DENND1A: variants seen among roughly 807,000 people sequenced by gnomAD.
The protein encoded by DENND1A is DENN domain containing 1A.
DENND1A carries 51 observed loss-of-function variants against 113.7 expected under a neutral mutation model. That is an observed-to-expected ratio of 0.45 (90% confidence interval 0.36 to 0.57). The LOEUF is 0.57. DENND1A is among the 20% of genes least tolerant of loss of function. The pLI is 0.00. For missense variants in DENND1A, 1,258 were observed against 1,395.9 expected, an observed-to-expected ratio of 0.90 and a Z score of 1.57; for synonymous variants, 565 against 570.8, an observed-to-expected ratio of 0.99 and a Z score of 0.14.
intron 19 of DENND1A, among the ~76,000 whole-genome samples, chr9:123,431,464 G>A (rs1482694981): frequency 1.3e-5 from 2 of 152,204 alleles, no homozygotes; most frequent in Non-Finnish European, 2.9e-5. Context: ...ACCTGCCCAG[G>A]TGGCTGCACT....
chr9:123,413,867 G>T (rs2044507560), intron 19 of DENND1A: 7 of 985,160 alleles, frequency 7.1e-6, no homozygotes, highest in Non-Finnish European at 8.4e-6. Context: ...TCAAGAGGAA[G>T]AGGTGATCAG....
At chr9:123,610,847 C>T (rs988636839) in intron 10 of DENND1A, among the ~76,000 whole-genome samples, 4 of 152,076 alleles carry the variant, frequency 2.6e-5, no homozygotes, top group African/African-American at 7.2e-5. Flanking sequence ...TAGGCTTTAT[C>T]CTGAAAGCAA....
intron 5 of DENND1A, among the ~76,000 whole-genome samples, chr9:123,735,221 G>C (rs1240383610): frequency 6.6e-6 from 1 of 152,116 alleles, no homozygotes; most frequent in Non-Finnish European, 1.5e-5. Flanking sequence ...ACCATTTCTA[G>C]ATGTTCTAAA....
chr9:123,772,826 G>T lies in DENND1A; in HGVS notation c.133-3263C>A, dbSNP rs1480392454. Among the ~76,000 whole-genome samples, 6 of 151,998 alleles carry T rather than the reference G, an allele frequency of 3.9e-5. No homozygotes were observed. The East Asian group carries it at 1.2e-3, about 29-fold the overall frequency. On this transcript the variant is annotated intron_variant, in intron 3 of 23. Transcript: ENST00000394215. ...TGTCACCACTGGCTTTAGGACATTC[G>T]CCACCTGGTTCCATGTCCCCTGGTT... is the stretch of plus-strand genomic sequence containing the variant.
At chr9:123,710,468 C>T (rs967413813) in intron 5 of DENND1A, among the ~76,000 whole-genome samples, 2 of 152,010 alleles carry the variant, frequency 1.3e-5, no homozygotes, top group African/African-American at 4.8e-5. Flanking sequence ...TTTCTAGTCA[C>T]TCACCAACCA....
intron 1 of DENND1A, among the ~76,000 whole-genome samples, chr9:123,896,874 A>G (rs988365424): frequency 6.6e-6 from 1 of 152,222 alleles, no homozygotes; most frequent in Non-Finnish European, 1.5e-5. Context: ...GAAGTAAAAC[A>G]TTAAGACAAA....
At chr9:123,824,329 G>T (rs548971739) in intron 2 of DENND1A, among the ~76,000 whole-genome samples, 1 of 152,232 alleles carries the variant, frequency 6.6e-6, no homozygotes, top group African/African-American at 2.4e-5. Flanking sequence ...CCTTTAACTC[G>T]CAATCACTTG....
At chr9:123,536,666 G>A (rs985311211) in intron 13 of DENND1A, among the ~76,000 whole-genome samples, 1 of 152,008 alleles carries the variant, frequency 6.6e-6, no homozygotes, top group African/African-American at 2.4e-5. Flanking sequence ...AGGAACTCCC[G>A]AGAAAATGCA....
intron 10 of DENND1A, among the ~76,000 whole-genome samples, chr9:123,624,900 G>T (rs909714004): frequency 1.3e-5 from 2 of 152,172 alleles, no homozygotes; most frequent in African/African-American, 4.8e-5. Flanking sequence ...CAGCTGGGAA[G>T]AACAATTGGC....
At chr9:123,499,496 C>G (rs1306547406) in intron 13 of DENND1A, among the ~76,000 whole-genome samples, 1 of 152,218 alleles carries the variant, frequency 6.6e-6, no homozygotes, top group Non-Finnish European at 1.5e-5. Context: ...GAGCACCAGG[C>G]AGCGCTCTCA....
chr9:123,402,540 T>G lies in DENND1A; in HGVS notation c.1631+862A>C, dbSNP rs1284970944. On this transcript the variant is annotated intron_variant, in intron 21 of 23. Coordinates refer to ENST00000394215, the MANE Select transcript of DENND1A (RefSeq NM_001352964.2). ...CCTCCCCCTTTCCACCCAAAGGACTTCAGGATCCCTGGGGTAGTTTTTCTG... is the reference window on the plus strand; with the variant it reads ...CCTCCCCCTTTCCACCCAAAGGACTGCAGGATCCCTGGGGTAGTTTTTCTG... The G allele has an allele frequency of 7.5e-6, 4 of 534,822 alleles. No homozygotes were observed. The East Asian group carries it at 2.2e-4, about 29-fold the overall frequency. The allele number at this position is 534,822 out of a possible 1,614,324, so 33.1% of individuals were successfully genotyped here. A position where few individuals can be genotyped will look rare whatever the true frequency, so the allele number is the denominator to read the frequency against.
chr9:123,620,772 T>C (rs987151123), intron 10 of DENND1A, among the ~76,000 whole-genome samples: 1 of 152,042 alleles, frequency 6.6e-6, no homozygotes, highest in Non-Finnish European at 1.5e-5. Flanking sequence ...TCCTGGTCCT[T>C]ATCCCCTCCC....
intron 2 of DENND1A, among the ~76,000 whole-genome samples, chr9:123,819,294 AAC>A (rs904469135): frequency 2.6e-5 from 4 of 152,172 alleles, no homozygotes; most frequent in Non-Finnish European, 5.9e-5. Flanking sequence ...TCACCATCCT[AAC>A]AGAGTCAAAT....
intron 5 of DENND1A, among the ~76,000 whole-genome samples, chr9:123,745,189 A>G (rs1010772891): frequency 6.6e-6 from 1 of 152,304 alleles, no homozygotes; most frequent in East Asian, 1.9e-4. Flanking sequence ...ACTGGAATGC[A>G]GGCCCTACTC....
intron 5 of DENND1A, among the ~76,000 whole-genome samples, chr9:123,728,719 T>C (rs2067932764): frequency 6.6e-6 from 1 of 152,144 alleles, no homozygotes; most frequent in African/African-American, 2.4e-5. Context: ...GAAGAATTAC[T>C]ATGATGCCAC....
At chr9:123,686,245 T>C (rs1479191654) in intron 5 of DENND1A, among the ~76,000 whole-genome samples, 3 of 152,180 alleles carry the variant, frequency 2.0e-5, no homozygotes, top group Admixed American at 1.3e-4. Flanking sequence ...GAAAATTGAG[T>C]CGTAGAGAAA....
chr9:123,391,694 C>CAGAGATAA (rs1439064586), intron 21 of DENND1A, among the ~76,000 whole-genome samples: 2 of 139,650 alleles, frequency 1.4e-5, no homozygotes, highest in Non-Finnish European at 3.0e-5. Context: ...AGATATTTGT[C>CAGAGATAA]AGAGATAAAG....
At chr9:123,636,766 T>A (rs1277937438) in intron 9 of DENND1A, among the ~76,000 whole-genome samples, 1 of 146,950 alleles carries the variant, frequency 6.8e-6, no homozygotes, top group East Asian at 2.1e-4. Flanking sequence ...AATGGCGCAA[T>A]CTCAGCTCAC....
intron 13 of DENND1A, among the ~76,000 whole-genome samples, chr9:123,546,308 G>A (rs1290778362): frequency 6.6e-6 from 1 of 152,118 alleles, no homozygotes; most frequent in Non-Finnish European, 1.5e-5. Flanking sequence ...CAGCACTTTG[G>A]GAGGCCAAGG....
Sources: gnomAD v4.1 joint callset for allele counts (sites outside exome capture counted in the v4.1 genomes callset) on GRCh38, gnomAD v4.1.1 for gene constraint, MANE v1.5 for transcripts, NCBI Gene and HGNC (gene_info 2026-07-23, HGNC 2026-07-21) for gene names.